The following HNRNPH1 variants were observed in gnomAD, a reference collection of about 807,000 sequenced individuals.
HNRNPH1 encodes heterogeneous nuclear ribonucleoprotein H1, also known as heterogeneous nuclear ribonucleoprotein H.
Under a neutral mutation model 58.6 loss-of-function variants are expected in HNRNPH1, and 4 were observed. That is an observed-to-expected ratio of 0.07 (90% CI 0.03 to 0.16). The LOEUF is 0.16. HNRNPH1 is among the 10% of genes least tolerant of loss of function. The probability of loss-of-function intolerance (pLI) is 1.00; values close to 1 mark genes in which losing one functional copy is unlikely to be tolerated. For synonymous variants in HNRNPH1, 192 were observed against 189.2 expected (o/e 1.01, Z -0.12); for missense variants, 271 against 564.2 (o/e 0.48, Z 5.26).
In HNRNPH1 at chr5:179,623,024, A is replaced by T. The variant is rs1419729548; in HGVS notation, c.97+13T>A. On this transcript the variant is annotated intron_variant, in intron 1 of 12. Coordinates refer to ENST00000356731, the Ensembl canonical transcript of HNRNPH1. ...CCTCGAACTCGAACTCCCGCGTCCT[A>T]GTTCTAACTCACCAGAAAAAAACCT... 2.1e-6 allele frequency: 3 copies of T among 1,459,196 alleles called. No individual in the cohort carries two copies. The highest frequency in any genetic ancestry group is 2.9e-5 in the African/African-American group (2 of 68,666). The allele number at this position is 1,459,196 out of a possible 1,614,324, so 90.4% of individuals were successfully genotyped here.
intron 2 of HNRNPH1, among the ~76,000 whole-genome samples, chr5:179,631,221 G>T (rs548412410): frequency 6.6e-6 from 1 of 152,148 alleles, no homozygotes; most frequent in East Asian, 1.9e-4. Context: ...ATACGTTACG[G>T]TATATCTATG....
Position 179,622,874 on chromosome 5 carries a change from A to G in HNRNPH1, c.97+163T>C, listed in dbSNP as rs147934149. 7.9e-3 allele frequency: 1,229 copies of G among 154,680 alleles called. 21 individuals carry two copies. Among genetic ancestry groups the G allele is most frequent in the African/African-American group, 0.028 (1,162 of 40,992 alleles). The allele number at this position is 154,680 out of a possible 1,614,324, so 9.6% of individuals were successfully genotyped here. Reference sequence around the variant, plus strand: ...GCGGGCCGCCGGGCGCGAGCAGCACAGCGGTGAGTGTAGTCGCCCGCGCCT... The same window carrying G: ...GCGGGCCGCCGGGCGCGAGCAGCACGGCGGTGAGTGTAGTCGCCCGCGCCT... On this transcript the variant is annotated intron_variant, in intron 1 of 12. Transcript: ENST00000356731.
At chr5:179,624,637 G>A (rs1774184249) in exon 1 of HNRNPH1, 2 of 398,562 alleles carry the variant, frequency 5.0e-6, no homozygotes, top group East Asian at 3.6e-5. Context: ...CACATGCTGC[G>A]AGATGACTAA....
upstream of HNRNPH1, among the ~76,000 whole-genome samples, chr5:179,627,345 C>G (rs992527473): frequency 6.6e-6 from 1 of 151,982 alleles, no homozygotes; most frequent in African/African-American, 2.4e-5. Flanking sequence ...GCACTTTCAA[C>G]CAGGCCCGAC....
chr5:179,628,544 G>A (rs1388807821), upstream of HNRNPH1, among the ~76,000 whole-genome samples: 9 of 151,746 alleles, frequency 5.9e-5, no homozygotes, highest in Non-Finnish European at 2.9e-5. Context: ...AGTAGAGACC[G>A]GGTTTTGCCA....
intron 4 of HNRNPH1, 151 bp from the exon 6 acceptor site, chr5:179,618,474 A>G: frequency 1.9e-6 from 1 of 528,220 alleles, no homozygotes. Flanking sequence ...TGCATAGGCA[A>G]TGACCAGAAA....
exon 13 of HNRNPH1, chr5:179,614,702 A>G (rs777744279): frequency 8.6e-6 from 5 of 581,680 alleles, no homozygotes; most frequent in Admixed American, 3.0e-5. Context: ...TTAAGTCTTC[A>G]TAACAATCCT....
chr5:179,615,582 C>T, exon 12 of HNRNPH1: 2 of 1,566,876 alleles, frequency 1.3e-6, no homozygotes, highest in Non-Finnish European at 1.8e-6. Flanking sequence ...TGGAGTTTTC[C>T]TGTAAAACTT....
intron 3 of HNRNPH1, chr5:179,620,644 A>G: frequency 4.7e-6 from 2 of 424,922 alleles, no homozygotes; most frequent in Non-Finnish European, 8.6e-6. Flanking sequence ...TGTTGAGGGC[A>G]ATCCTCAATG....
At chr5:179,614,329 A>T (rs1768391496) in exon 13 of HNRNPH1, 1 of 149,380 alleles carries the variant, frequency 6.7e-6, no homozygotes, top group African/African-American at 2.5e-5. Flanking sequence ...ATTGCGTCTC[A>T]AATTTTTCCC....
rs776500920 is a variant in HNRNPH1, at chr5:179,616,842, G to A, written c.1207+27C>T. 20 of 1,590,852 alleles carry A rather than the reference G, an allele frequency of 1.3e-5. No homozygotes were observed. In the Admixed American group the frequency reaches 3.0e-4, roughly 24 times the overall value. On this transcript the variant is annotated intron_variant, in intron 10 of 12. Transcript: ENST00000356731. ...GACTTATACAGATATAAACGTTTTG[G>A]TTTTTAAAAAAACTAACGATATTTA... is the stretch of plus-strand genomic sequence containing the variant.
upstream of HNRNPH1, among the ~76,000 whole-genome samples, chr5:179,625,795 GAC>G (rs984583870): frequency 6.9e-6 from 1 of 144,210 alleles, no homozygotes; most frequent in African/African-American, 2.6e-5. Context: ...GTTTGTTTGA[GAC>G]ACAGCCCGTC....
At chr5:179,619,363 G>C in exon 4 of HNRNPH1, 1 of 1,612,906 alleles carries the variant, frequency 6.2e-7, no homozygotes. Context: ...CTCCTCCCCT[G>C]GAAGTCCACC....
exon 13 of HNRNPH1, chr5:179,614,271 G>GC (rs1228415974): frequency 6.6e-6 from 1 of 151,918 alleles, no homozygotes; most frequent in East Asian, 1.9e-4. Context: ...TTAAATCAAG[G>GC]CCTCAGAATT....
chr5:179,622,688 G>C (rs1283267119), intron 1 of HNRNPH1, among the ~76,000 whole-genome samples: 1 of 152,154 alleles, frequency 6.6e-6, no homozygotes, highest in African/African-American at 2.4e-5. Flanking sequence ...TCCAGCTTGG[G>C]TGACAGAGAC....
At chr5:179,616,184 C>G in exon 11 of HNRNPH1, 1 of 1,614,062 alleles carries the variant, frequency 6.2e-7, no homozygotes, top group Non-Finnish European at 8.5e-7. Context: ...CACTCAGCTG[C>G]TGGCTGGCTG....
chr5:179,632,823 G>A (rs1257361898), intron 2 of HNRNPH1, among the ~76,000 whole-genome samples: 2 of 140,134 alleles, frequency 1.4e-5, no homozygotes, highest in Non-Finnish European at 3.0e-5. Context: ...CCGAGTAGGT[G>A]GGATTACAGC....
intron 12 of HNRNPH1, 94 bp downstream of exon 13, chr5:179,615,452 A>T (rs1769056158): frequency 1.5e-6 from 1 of 661,230 alleles, no homozygotes; most frequent in Non-Finnish European, 2.6e-6. Flanking sequence ...GCCTCCATGG[A>T]GTTAAGTCAG....
chr5:179,617,417 GA>G (rs1218226110), intron 8 of HNRNPH1, 96 bp downstream of exon 9: 5 of 1,376,398 alleles, frequency 3.6e-6, no homozygotes, highest in Non-Finnish European at 4.0e-6. Context: ...TACTGGAGAG[GA>G]AACTTCTCAT....
Sources: allele counts gnomAD v4.1 joint callset (sites outside exome capture counted in the v4.1 genomes callset), GRCh38; gene constraint gnomAD v4.1.1; transcripts MANE v1.5; gene names NCBI Gene and HGNC (gene_info 2026-07-23, HGNC 2026-07-21).